The following CDH13 variants were observed in gnomAD, a reference collection of about 807,000 sequenced individuals.
CDH13 encodes cadherin-13.
A neutral mutation model predicts 63.8 loss-of-function variants in CDH13; 24 were observed. That is an observed-to-expected ratio of 0.38 (90% confidence interval 0.27 to 0.53). The LOEUF (loss-of-function observed/expected upper bound fraction) is 0.53. Ranked by LOEUF, CDH13 falls within the 20% of genes least tolerant of loss-of-function variation. The pLI is 0.85. For missense variants in CDH13, 1,049 were observed against 903.1 expected (o/e 1.16, Z -2.07); for synonymous variants, 503 against 355.3 (o/e 1.42, Z -4.67).
intron 5 of CDH13, among the ~76,000 whole-genome samples, chr16:83,233,901 G>C (rs2040074518): frequency 6.6e-6 from 1 of 152,194 alleles, no homozygotes; most frequent in Non-Finnish European, 1.5e-5. Flanking sequence ...TCCTTGTATA[G>C]ATGAGGTAAT....
rs141660888 is a variant in CDH13, at chr16:83,448,716, C to G, written c.782-37761C>G. 2.4e-3 allele frequency among the ~76,000 whole-genome samples: 363 copies of G among 152,210 alleles called. 10 individuals carry two copies. In the East Asian group the frequency reaches 0.056, roughly 23 times the overall value. ...ATGAGAGTAAGAGGATGCATTCATTCCATGCCTGCAAGACAGCCCAGCTGG... is the reference window on the plus strand; with the variant it reads ...ATGAGAGTAAGAGGATGCATTCATTGCATGCCTGCAAGACAGCCCAGCTGG... On this transcript the variant is annotated intron_variant, in intron 6 of 13. Transcript: ENST00000567109.
intron 1 of CDH13, among the ~76,000 whole-genome samples, chr16:82,740,559 AG>A (rs1211449382): frequency 6.6e-6 from 1 of 152,160 alleles, no homozygotes; most frequent in Non-Finnish European, 1.5e-5. Flanking sequence ...CCATAGGCTG[AG>A]GGGTTGGCTG....
intron 2 of CDH13, among the ~76,000 whole-genome samples, chr16:82,947,498 G>A (rs995903351): frequency 6.6e-6 from 1 of 151,796 alleles, no homozygotes; most frequent in African/African-American, 2.4e-5. Flanking sequence ...TTGATGTTTC[G>A]GTTTTTCCAT....
In CDH13 at chr16:83,378,675, T is replaced by C. The variant is rs575278879; in HGVS notation, c.781+33669T>C. Among the ~76,000 whole-genome samples the C allele has an allele frequency of 4.1e-4, 63 of 152,312 alleles. No individual in the cohort carries two copies. The South Asian group carries it at 0.012, about 29-fold the overall frequency. On this transcript the variant is annotated intron_variant, in intron 6 of 13. Transcript: ENST00000567109. ...CATATTTGCATGACCTTAGGCAAGA[T>C]ACTTGACTGCTCTGAGCCTTAGTTT... is the stretch of plus-strand genomic sequence containing the variant.
chr16:83,356,475 T>C (rs141854251), intron 6 of CDH13, among the ~76,000 whole-genome samples: 1 of 152,218 alleles, frequency 6.6e-6, no homozygotes, highest in East Asian at 1.9e-4. Context: ...AGGCCACAAA[T>C]GTCAGAAAAG....
chr16:83,678,381 G>C lies in CDH13; in HGVS notation c.1458G>C (p.Arg486Ser), dbSNP rs1052435146. 1.2e-6 allele frequency: 2 copies of C among 1,613,996 alleles called. No homozygotes were observed. The highest frequency in any genetic ancestry group is 1.7e-6 in the Non-Finnish European group (2 of 1,179,912). ...VFYPDPMMVT[R>S]QEDLSVGSVL... Reference sequence around the variant, plus strand: ...ACCCAGACCCCATGATGGTGACCAGGCAGGAGGACCTCTCTGTGGGCAGCG... The same window carrying C: ...ACCCAGACCCCATGATGGTGACCAGCCAGGAGGACCTCTCTGTGGGCAGCG... The change falls in exon 10 of 14, where the codon AGG (arginine) becomes AGC (serine). Residue 486 changes from arginine (R) to serine (S), a missense_variant. Physicochemically the swap from Arg to Ser is moderately radical, Grantham distance 110 (BLOSUM62 -1). Coordinates refer to ENST00000567109, the MANE Select transcript of CDH13 (RefSeq NM_001257.5).
intron 2 of CDH13, among the ~76,000 whole-genome samples, chr16:82,882,020 G>A (rs145300073): frequency 6.8e-4 from 104 of 152,194 alleles, no homozygotes; most frequent in Non-Finnish European, 1.3e-3. Context: ...TTATTTATGT[G>A]TATCTATTCA....
chr16:83,060,841 A>G (rs892972397), intron 3 of CDH13, among the ~76,000 whole-genome samples: 4 of 152,102 alleles, frequency 2.6e-5, no homozygotes, highest in Admixed American at 1.3e-4. Context: ...GTTGCCTTCC[A>G]CTGCCTTCCA....
At chr16:83,250,716 T>C (rs1905425014) in intron 5 of CDH13, among the ~76,000 whole-genome samples, 1 of 152,184 alleles carries the variant, frequency 6.6e-6, no homozygotes, top group South Asian at 2.1e-4. Context: ...AGGACCCAGA[T>C]GATACAGAGT....
intron 1 of CDH13, among the ~76,000 whole-genome samples, chr16:82,774,314 T>C (rs1198466938): frequency 1.1e-5 from 1 of 90,708 alleles, no homozygotes; most frequent in African/African-American, 3.2e-5. Context: ...TCTGTATGAC[T>C]TCAGTTCATT....
intron 1 of CDH13, among the ~76,000 whole-genome samples, chr16:82,782,551 CAAAAA>C (rs5818406): frequency 4.4e-5 from 4 of 90,028 alleles, no homozygotes; most frequent in Non-Finnish European, 8.9e-5. Flanking sequence ...GACTCCATCT[CAAAAA>C]AAAAAAAAAA....
At chr16:82,977,456 G>C (rs1390422618) in intron 2 of CDH13, among the ~76,000 whole-genome samples, 1 of 152,200 alleles carries the variant, frequency 6.6e-6, no homozygotes, top group Non-Finnish European at 1.5e-5. Context: ...CCTAGTGGGA[G>C]GTAATTTAAT....
At chr16:83,504,092 G>A (rs898762281) in intron 7 of CDH13, among the ~76,000 whole-genome samples, 10 of 152,118 alleles carry the variant, frequency 6.6e-5, no homozygotes, top group Non-Finnish European at 1.0e-4. Context: ...TGCACAGTCT[G>A]CATATGTATC....
intron 5 of CDH13, among the ~76,000 whole-genome samples, chr16:83,337,199 A>C (rs936238600): frequency 6.6e-6 from 1 of 152,174 alleles, no homozygotes; most frequent in Non-Finnish European, 1.5e-5. Context: ...CTGTGACTTG[A>C]TGGTTCACAT....
intron 7 of CDH13, among the ~76,000 whole-genome samples, chr16:83,519,331 T>G (rs577883007): frequency 2.0e-5 from 3 of 152,300 alleles, no homozygotes; most frequent in African/African-American, 7.2e-5. Flanking sequence ...CTGCAACATA[T>G]GAACACAACA....
chr16:83,141,149 G>C (rs1458962698), intron 4 of CDH13, among the ~76,000 whole-genome samples: 1 of 152,174 alleles, frequency 6.6e-6, no homozygotes, highest in African/African-American at 2.4e-5. Context: ...AGTGAGATCA[G>C]AGAATATTAA....
intron 1 of CDH13, among the ~76,000 whole-genome samples, chr16:82,630,274 A>T (rs545301502): frequency 1.3e-5 from 2 of 152,334 alleles, no homozygotes; most frequent in African/African-American, 4.8e-5. Flanking sequence ...TTTCCAGAGC[A>T]CTAGGGAAAT....
In CDH13 at chr16:82,885,469, A is replaced by ATCCG. The variant is rs1474585156; in HGVS notation, c.157+26999_157+27000insGTCC. Among the ~76,000 whole-genome samples the ATCCG allele has an allele frequency of 2.7e-4, 25 of 91,202 alleles. No individual in the cohort carries two copies. In the East Asian group the frequency reaches 0.01, roughly 37 times the overall value. The allele number at this position is 91,202 out of a possible 152,430, so 59.8% of individuals were successfully genotyped here. ...CACTCATTCATTCATCCACCTACCCATCCATCCATCCACCCATCCATCCAT... is the reference window on the plus strand; with the variant it reads ...CACTCATTCATTCATCCACCTACCCATCCGTCCATCCATCCACCCATCCATCCAT... On this transcript the variant is annotated intron_variant, in intron 2 of 13. Coordinates refer to ENST00000567109, the MANE Select transcript of CDH13 (RefSeq NM_001257.5).
intron 5 of CDH13, among the ~76,000 whole-genome samples, chr16:83,253,757 A>G (rs2151827957): frequency 6.6e-6 from 1 of 152,272 alleles, no homozygotes; most frequent in Middle Eastern, 3.4e-3. Context: ...AGCAATTATT[A>G]CCATTATTTT....
Sources: gnomAD v4.1 joint callset for allele counts (sites outside exome capture counted in the v4.1 genomes callset) on GRCh38, gnomAD v4.1.1 for gene constraint, MANE v1.5 for transcripts, NCBI Gene and HGNC (gene_info 2026-07-23, HGNC 2026-07-21) for gene names.